The following NIPBL variants were observed in gnomAD, a reference collection of about 807,000 sequenced individuals.
NIPBL encodes nipped-B-like protein.
Under a neutral mutation model 321.8 loss-of-function variants are expected in NIPBL, and 19 were observed. That is an observed-to-expected ratio of 0.06 (90% CI 0.04 to 0.09). The LOEUF (loss-of-function observed/expected upper bound fraction) is 0.09. Ranked by LOEUF, NIPBL falls within the 10% of genes least tolerant of loss-of-function variation. The pLI, the probability that NIPBL is intolerant of heterozygous loss-of-function variation, is 1.00. For synonymous variants in NIPBL, 1,106 were observed against 1,114.1 expected (o/e 0.99, Z 0.14); for missense variants, 2,210 against 3,327.0 (o/e 0.66, Z 8.26).
intron 1 of NIPBL, among the ~76,000 whole-genome samples, chr5:36,927,305 G>A (rs980258999): frequency 1.3e-5 from 2 of 152,048 alleles, no homozygotes; most frequent in African/African-American, 2.4e-5. Context: ...ATATCAAGGC[G>A]GATTTTTGGT....
intron 1 of NIPBL, among the ~76,000 whole-genome samples, chr5:36,951,042 C>T (rs1740229595): frequency 6.6e-6 from 1 of 152,096 alleles, no homozygotes; most frequent in African/African-American, 2.4e-5. Flanking sequence ...ATATTTTTGT[C>T]AGTAATCATC....
At chr5:36,939,384 G>A (rs1479874936) in intron 1 of NIPBL, among the ~76,000 whole-genome samples, 2 of 152,118 alleles carry the variant, frequency 1.3e-5, no homozygotes, top group African/African-American at 2.4e-5. Context: ...TTACAAAAAT[G>A]GAATCATGTA....
In NIPBL at chr5:36,905,428, C is replaced by T. The variant is rs144045607; in HGVS notation, c.-80+28250C>T. ...TACTGTTGGCTTGTAAGATCATAATCGGTGTTTTGAATATGGAATATACTA... is the reference window on the plus strand; with the variant it reads ...TACTGTTGGCTTGTAAGATCATAATTGGTGTTTTGAATATGGAATATACTA... On this transcript the variant is annotated intron_variant, in intron 1 of 46. Coordinates refer to ENST00000282516, the MANE Select transcript of NIPBL (RefSeq NM_133433.4). 1.1e-3 allele frequency among the ~76,000 whole-genome samples: 160 copies of T among 152,210 alleles called. 1 individual carries two copies. In the Middle Eastern group the frequency reaches 0.014, roughly 13 times the overall value.
intron 1 of NIPBL, among the ~76,000 whole-genome samples, chr5:36,907,454 T>A (rs1747725833): frequency 6.6e-6 from 1 of 152,138 alleles, no homozygotes; most frequent in Non-Finnish European, 1.5e-5. Context: ...AAAATAATAT[T>A]TATTTATAAG....
intron 1 of NIPBL, among the ~76,000 whole-genome samples, chr5:36,880,322 A>G (rs1203436726): frequency 6.6e-6 from 1 of 152,078 alleles, no homozygotes; most frequent in African/African-American, 2.4e-5. Flanking sequence ...CTTTCTCAAA[A>G]TAAGATGTAG....
chr5:36,986,425 C>A (rs1447393421), intron 10 of NIPBL, 124 bp downstream of exon 10: 2 of 663,724 alleles, frequency 3.0e-6, no homozygotes, highest in Non-Finnish European at 4.4e-6. Flanking sequence ...ACATTTATGT[C>A]AAACAACAGG....
At chr5:36,972,156 GAA>G in intron 8 of NIPBL, 115 bp downstream of exon 8, 1 of 687,822 alleles carries the variant, frequency 1.5e-6, no homozygotes, top group Non-Finnish European at 2.5e-6. Context: ...TTTCATTGTA[GAA>G]AAAAAAATAA....
chr5:36,920,234 C>T (rs769077841), intron 1 of NIPBL, among the ~76,000 whole-genome samples: 2 of 152,064 alleles, frequency 1.3e-5, no homozygotes, highest in Non-Finnish European at 2.9e-5. Context: ...GAACTTGTAA[C>T]GCATTTAGAT....
Position 37,064,711 on chromosome 5 carries a change from G to A in NIPBL, c.8234G>A (p.Ser2745Asn), listed in dbSNP as rs1289076155. The A allele has an allele frequency of 6.2e-7, 1 of 1,614,190 alleles. No individual in the cohort carries two copies. Among genetic ancestry groups the A allele is most frequent in the Non-Finnish European group, 8.5e-7 (1 of 1,180,038 alleles). Residue 2745 changes from serine (S) to asparagine (N), a missense_variant, in exon 47 of 47, where the codon AGT (serine) becomes AAT (asparagine). Transcript: ENST00000282516. ...GTTCAGTGGATGGCAGGCTCCTACA[G>A]TGGCTCCTGGACTGAGGCTAAGCGC... is the stretch of plus-strand genomic sequence containing the variant. ...FSVQWMAGSY[S>N]GSWTEAKRRD...
chr5:37,013,606 G>A (rs1315114739), intron 21 of NIPBL, among the ~76,000 whole-genome samples: 9 of 151,620 alleles, frequency 5.9e-5, no homozygotes, highest in Non-Finnish European at 8.8e-5. Flanking sequence ...CATCTCAGAC[G>A]ATGGGTGGCC....
intron 45 of NIPBL, among the ~76,000 whole-genome samples, chr5:37,062,034 G>T (rs966969459): frequency 5.9e-5 from 9 of 152,136 alleles, no homozygotes; most frequent in Non-Finnish European, 1.5e-5. Flanking sequence ...TAGAGATGGG[G>T]TTTCACCATG....
chr5:36,917,993 T>A (rs923352252), intron 1 of NIPBL, among the ~76,000 whole-genome samples: 2 of 152,106 alleles, frequency 1.3e-5, no homozygotes, highest in Admixed American at 6.5e-5. Flanking sequence ...CTTAGGATTG[T>A]CTTGGCAATG....
chr5:36,975,539 T>C (rs1743343131), intron 8 of NIPBL, among the ~76,000 whole-genome samples: 1 of 152,086 alleles, frequency 6.6e-6, no homozygotes, highest in Non-Finnish European at 1.5e-5. Context: ...GTCTGAAAAA[T>C]TGAATACTCA....
At chr5:36,954,445 A>G (rs552185291) in intron 2 of NIPBL, among the ~76,000 whole-genome samples, 13 of 152,286 alleles carry the variant, frequency 8.5e-5, no homozygotes, top group African/African-American at 3.1e-4. Context: ...AAGCGTAACT[A>G]GTTTATGAGG....
intron 1 of NIPBL, among the ~76,000 whole-genome samples, chr5:36,903,040 G>T (rs1396617878): frequency 6.6e-6 from 1 of 152,002 alleles, no homozygotes; most frequent in South Asian, 2.1e-4. Flanking sequence ...TTGTAAATGG[G>T]ATTACATTCT....
At chr5:37,028,947 A>G (rs1377790275) in intron 32 of NIPBL, among the ~76,000 whole-genome samples, 2 of 152,172 alleles carry the variant, frequency 1.3e-5, no homozygotes, top group Non-Finnish European at 2.9e-5. Flanking sequence ...TCTGGATTTA[A>G]TAGTCCACTT....
intron 44 of NIPBL, 48 bp downstream of exon 44, chr5:37,059,213 A>C: frequency 6.2e-7 from 1 of 1,601,760 alleles, no homozygotes; most frequent in Non-Finnish European, 8.5e-7. Context: ...CTGTTCAAAT[A>C]ATAAATATTT....
At chr5:37,023,775 T>TTTTTTTTTTTA (rs1554026119) in intron 29 of NIPBL, among the ~76,000 whole-genome samples, 1 of 138,872 alleles carries the variant, frequency 7.2e-6, no homozygotes, top group Non-Finnish European at 1.5e-5. Context: ...TTTTTTTTTT[T>TTTTTTTTTTTA]ACATCCCATA....
intron 1 of NIPBL, among the ~76,000 whole-genome samples, chr5:36,945,167 G>A (rs1322208500): frequency 1.3e-5 from 2 of 152,084 alleles, no homozygotes; most frequent in African/African-American, 4.8e-5. Flanking sequence ...TAGCCTCTAT[G>A]TAAAAATAAA....
Sources: allele counts gnomAD v4.1 joint callset (sites outside exome capture counted in the v4.1 genomes callset), GRCh38; gene constraint gnomAD v4.1.1; transcripts MANE v1.5; gene names NCBI Gene and HGNC (gene_info 2026-07-23, HGNC 2026-07-21).